Variants in SOCS6 observed in about 807,000 individuals in gnomAD.
SOCS6 encodes STAT induced STAT inhibitor-4.
In SOCS6, 5 loss-of-function variants were observed where a neutral mutation model predicts 27.7. The observed-to-expected ratio is 0.18, with a 90% CI of 0.09 to 0.38. The LOEUF is 0.38. SOCS6 is among the 10% of genes least tolerant of loss of function. The pLI is 1.00. For missense variants in SOCS6, 595 were observed against 688.1 expected (o/e 0.86, Z 1.51); for synonymous variants, 271 against 260.0 (o/e 1.04, Z -0.41).
intron 1 of SOCS6, among the ~76,000 whole-genome samples, chr18:70,294,837 T>C (rs2062316411): frequency 6.6e-6 from 1 of 152,380 alleles, no homozygotes; most frequent in South Asian, 2.1e-4. Context: ...CCTTCTGCTC[T>C]GATTATGTTT....
chr18:70,307,205 C>T lies in SOCS6; in HGVS notation c.-126-17338C>T, dbSNP rs537887058. Among the ~76,000 whole-genome samples, 5 of 152,184 alleles carry T rather than the reference C, an allele frequency of 3.3e-5. No homozygotes were observed. In the East Asian group the frequency reaches 9.7e-4, roughly 29 times the overall value. ...TTGAGCCTGAAGATGGAGGTTGCAG[C>T]GAGCCATGATTGCATCACTGCACTC... On this transcript the variant is annotated intron_variant, in intron 1 of 1. Transcript: ENST00000397942.
chr18:70,291,398 C>T lies in SOCS6; in HGVS notation c.-127+2308C>T, dbSNP rs2062298865. Among the ~76,000 whole-genome samples the T allele has an allele frequency of 2.0e-5, 3 of 152,306 alleles. No individual in the cohort carries two copies. The South Asian group carries it at 6.2e-4, about 32-fold the overall frequency. ...TACAGGCACGAACCACCACACCCAGCCTGCAAGTGTCCTCTTAAGCCTTCT... is the reference window on the plus strand; with the variant it reads ...TACAGGCACGAACCACCACACCCAGTCTGCAAGTGTCCTCTTAAGCCTTCT... On this transcript the variant is annotated intron_variant, in intron 1 of 1. Coordinates refer to ENST00000397942, the MANE Select transcript of SOCS6 (RefSeq NM_004232.4).
At chr18:70,291,116 A>G (rs994134721) in intron 1 of SOCS6, among the ~76,000 whole-genome samples, 3 of 152,184 alleles carry the variant, frequency 2.0e-5, no homozygotes, top group Admixed American at 2.0e-4. Flanking sequence ...AACAGAAAGC[A>G]AGTATCTTCT....
At chr18:70,300,774 A>T (rs2062344941) in intron 1 of SOCS6, among the ~76,000 whole-genome samples, 1 of 152,218 alleles carries the variant, frequency 6.6e-6, no homozygotes, top group Admixed American at 6.5e-5. Flanking sequence ...GAATCACTTG[A>T]AAATTTATTA....
At chr18:70,309,031 A>G (rs1008935051) in intron 1 of SOCS6, among the ~76,000 whole-genome samples, 1 of 152,210 alleles carries the variant, frequency 6.6e-6, no homozygotes, top group Admixed American at 6.5e-5. Context: ...GTAGAGTGAC[A>G]TCAGCAAACT....
intron 1 of SOCS6, among the ~76,000 whole-genome samples, chr18:70,305,897 G>GT (rs2062367410): frequency 1.3e-5 from 2 of 151,530 alleles, no homozygotes; most frequent in Non-Finnish European, 2.9e-5. Context: ...GTGTGTGGGG[G>GT]TGTGTGTGTG....
chr18:70,296,189 CT>C (rs1018064209), intron 1 of SOCS6, among the ~76,000 whole-genome samples: 6 of 151,698 alleles, frequency 4.0e-5, no homozygotes, highest in African/African-American at 1.4e-4. Flanking sequence ...GGGAAGATGA[CT>C]TTTTTTTTGA....
intron 1 of SOCS6, among the ~76,000 whole-genome samples, chr18:70,302,547 C>T (rs1276728941): frequency 1.3e-5 from 2 of 151,970 alleles, no homozygotes; most frequent in African/African-American, 2.4e-5. Flanking sequence ...ATGACATAAG[C>T]GGAGTTGAAT....
intron 1 of SOCS6, among the ~76,000 whole-genome samples, chr18:70,305,762 T>A (rs891430649): frequency 6.6e-6 from 1 of 152,356 alleles, no homozygotes; most frequent in African/African-American, 2.4e-5. Context: ...TGTATGAATC[T>A]TGTACTACAT....
rs1216109009 is a variant in SOCS6 at position 70,328,050 on chromosome 18, T to C, written c.*1774T>C. 1.8e-5 allele frequency: 3 copies of C among 166,198 alleles called. No individual in the cohort carries two copies. The allele number at this position is 166,198 out of a possible 1,614,324, so 10.3% of individuals were successfully genotyped here. A position where few individuals can be genotyped will look rare whatever the true frequency, so the allele number is the denominator to read the frequency against. Reference sequence around the variant, plus strand: ...GTTGATTGTACCTTGTTAAAAAGACTCTCATTTTCTCATATGTTTTCTCCT... The same window carrying C: ...GTTGATTGTACCTTGTTAAAAAGACCCTCATTTTCTCATATGTTTTCTCCT... On this transcript the variant is annotated 3_prime_UTR_variant, in exon 2 of 2. Coordinates refer to ENST00000397942, the MANE Select transcript of SOCS6 (RefSeq NM_004232.4).
intron 1 of SOCS6, among the ~76,000 whole-genome samples, chr18:70,290,858 CT>C (rs1486040605): frequency 2.6e-5 from 4 of 152,174 alleles, no homozygotes; most frequent in Admixed American, 2.0e-4. Flanking sequence ...AGTCTTGCCC[CT>C]TTCTCTTCAG....
chr18:70,303,259 A>C (rs1046212151), intron 1 of SOCS6, among the ~76,000 whole-genome samples: 1 of 152,214 alleles, frequency 6.6e-6, no homozygotes, highest in African/African-American at 2.4e-5. Flanking sequence ...CTGTATAAAT[A>C]TCAATTTCAC....
intron 1 of SOCS6, among the ~76,000 whole-genome samples, chr18:70,314,701 TA>T (rs1229422791): frequency 1.1e-4 from 16 of 152,216 alleles, no homozygotes; most frequent in Non-Finnish European, 1.9e-4. Flanking sequence ...TTCAGATGTT[TA>T]ATCATTTCAT....
chr18:70,300,915 G>C (rs754752766), intron 1 of SOCS6, among the ~76,000 whole-genome samples: 1 of 152,160 alleles, frequency 6.6e-6, no homozygotes, highest in Non-Finnish European at 1.5e-5. Context: ...CAGTGTTCCT[G>C]TTGCATTTCA....
intron 1 of SOCS6, among the ~76,000 whole-genome samples, chr18:70,307,451 A>C (rs1403448750): frequency 6.6e-6 from 1 of 152,160 alleles, no homozygotes; most frequent in Non-Finnish European, 1.5e-5. Context: ...CTTTAGTGGA[A>C]TTTACCAGTG....
intron 1 of SOCS6, among the ~76,000 whole-genome samples, chr18:70,291,439 C>G (rs1383054803): frequency 2.6e-5 from 4 of 152,186 alleles, no homozygotes; most frequent in Non-Finnish European, 5.9e-5. Context: ...AACTACACTC[C>G]TTAGAGAAAA....
In SOCS6 at chr18:70,325,372, A is replaced by G. The variant is rs1568606062; in HGVS notation, c.704A>G (p.Glu235Gly). The G allele has an allele frequency of 6.2e-7, 1 of 1,614,030 alleles. No individual in the cohort carries two copies. Among genetic ancestry groups the G allele is most frequent in the African/African-American group, 1.3e-5 (1 of 74,922 alleles). ...TTAGATGAGGGGATGTATCCTTTGG[A>G]AGGATCACGGAGCTATTGTCTGGAC... The part of the protein sequence containing the change: ...VPLDEGMYPL[E>G]GSRSYCLDSS... The change falls in exon 2 of 2, where the codon GAA (glutamate) becomes GGA (glycine). Residue 235 changes from glutamate to glycine, a missense_variant. Glu to Gly is a moderately conservative substitution (Grantham distance 98). Coordinates refer to ENST00000397942, the MANE Select transcript of SOCS6 (RefSeq NM_004232.4). This position sits in a 1 kb window ranked among gnomAD's most constrained non-coding sequence, Gnocchi z 6.3.
intron 1 of SOCS6, among the ~76,000 whole-genome samples, chr18:70,304,929 G>A (rs1331393115): frequency 5.9e-5 from 9 of 152,110 alleles, no homozygotes; most frequent in African/African-American, 1.9e-4. Context: ...TTTCATGGCC[G>A]AGCGCGGTGG....
chr18:70,294,792 A>G (rs1600147470), intron 1 of SOCS6, among the ~76,000 whole-genome samples: 1 of 152,304 alleles, frequency 6.6e-6, no homozygotes, highest in East Asian at 1.9e-4. Flanking sequence ...GAGACCGAGA[A>G]CAAAAAAGAT....
Sources: allele counts gnomAD v4.1 joint callset (sites outside exome capture counted in the v4.1 genomes callset), GRCh38; gene constraint gnomAD v4.1.1; non-coding constraint Gnocchi (gnomAD v3.1); transcripts MANE v1.5; gene names NCBI Gene and HGNC (gene_info 2026-07-23, HGNC 2026-07-21).